Variants in CADM2 observed in about 807,000 individuals in gnomAD.
CADM2 encodes immunoglobulin superfamily member 4D.
In CADM2, 12 loss-of-function variants were observed where a neutral mutation model predicts 49.8. The observed-to-expected ratio is 0.24, with a 90% CI of 0.15 to 0.39. CADM2 has a LOEUF of 0.39. CADM2 is among the 10% of genes least tolerant of loss of function. The probability of loss-of-function intolerance (pLI) is 1.00; values close to 1 mark genes in which losing one functional copy is unlikely to be tolerated. For missense variants in CADM2, 378 were observed against 492.3 expected, an observed-to-expected ratio of 0.77 and a Z score of 2.20; for synonymous variants, 214 against 175.4, an observed-to-expected ratio of 1.22 and a Z score of -1.74.
chr3:85,882,532 C>G (rs1042106691), intron 3 of CADM2, among the ~76,000 whole-genome samples: 2 of 152,052 alleles, frequency 1.3e-5, no homozygotes, highest in Non-Finnish European at 2.9e-5. Flanking sequence ...TTTTAGAGTA[C>G]TCTTTTAGTT....
chr3:85,561,560 A>G (rs910928999), intron 1 of CADM2, among the ~76,000 whole-genome samples: 1 of 152,126 alleles, frequency 6.6e-6, no homozygotes, highest in African/African-American at 2.4e-5. Flanking sequence ...GGGAGTACAT[A>G]TTTTCTAGGT....
chr3:85,526,254 T>C (rs1365365417), intron 1 of CADM2, among the ~76,000 whole-genome samples: 2 of 152,064 alleles, frequency 1.3e-5, no homozygotes, highest in African/African-American at 4.8e-5. Flanking sequence ...TATATTTTGT[T>C]TGTTTAGTAG....
At chr3:85,708,476 T>A (rs1035799678) in intron 1 of CADM2, among the ~76,000 whole-genome samples, 1 of 152,100 alleles carries the variant, frequency 6.6e-6, no homozygotes, top group Non-Finnish European at 1.5e-5. Flanking sequence ...CTACCTTATA[T>A]CCTAATGGGT....
chr3:85,611,150 A>G (rs989187096), intron 1 of CADM2, among the ~76,000 whole-genome samples: 1 of 151,974 alleles, frequency 6.6e-6, no homozygotes, highest in African/African-American at 2.4e-5. Flanking sequence ...CTCATGCACA[A>G]TGCTTTTCAA....
chr3:85,260,642 A>G (rs2042995586), intron 1 of CADM2, among the ~76,000 whole-genome samples: 1 of 152,132 alleles, frequency 6.6e-6, no homozygotes, highest in Non-Finnish European at 1.5e-5. Flanking sequence ...TTTGCAAGAC[A>G]CTGCTATGGG....
chr3:86,013,141 ACAG>A, intron 8 of CADM2: 1 of 1,339,520 alleles, frequency 7.5e-7, no homozygotes, highest in Non-Finnish European at 1.1e-6. Context: ...GTAAGTAGAC[ACAG>A]AAAACGAATA....
intron 1 of CADM2, among the ~76,000 whole-genome samples, chr3:85,377,200 C>A (rs1476261116): frequency 6.6e-6 from 1 of 151,930 alleles, no homozygotes; most frequent in East Asian, 1.9e-4. Context: ...ATATTTATTG[C>A]TTCTTTGTTG....
At chr3:85,794,187 T>C (rs2108043282) in intron 2 of CADM2, among the ~76,000 whole-genome samples, 1 of 152,312 alleles carries the variant, frequency 6.6e-6, no homozygotes, top group Non-Finnish European at 1.5e-5. Context: ...TTTTATGATT[T>C]AAATTTTCCA....
At chr3:86,054,891 A>AT (rs986835304) in intron 8 of CADM2, among the ~76,000 whole-genome samples, 3 of 151,810 alleles carry the variant, frequency 2.0e-5, no homozygotes, top group South Asian at 2.1e-4. Context: ...GAAGTCATTT[A>AT]TTTTTTTTCT....
chr3:85,122,106 CCT>C (rs1406994645), intron 1 of CADM2, among the ~76,000 whole-genome samples: 7 of 151,920 alleles, frequency 4.6e-5, no homozygotes, highest in Non-Finnish European at 1.0e-4. Flanking sequence ...CCTTCAGTCA[CCT>C]CTCTCATCCT....
chr3:85,574,828 G>T (rs558928871), intron 1 of CADM2, among the ~76,000 whole-genome samples: 1 of 152,154 alleles, frequency 6.6e-6, no homozygotes, highest in African/African-American at 2.4e-5. Context: ...AGTCTAGGGG[G>T]TTCTCATAAA....
At chr3:85,306,752 T>TTA (rs1211449477) in intron 1 of CADM2, among the ~76,000 whole-genome samples, 2 of 151,798 alleles carry the variant, frequency 1.3e-5, no homozygotes, top group Non-Finnish European at 3.0e-5. Flanking sequence ...CACAAAGACA[T>TTA]TATATCAACT....
chr3:84,960,471 TCTGTGTCG>T (rs1279476058), intron 1 of CADM2: 3 of 151,968 alleles, frequency 2.0e-5, no homozygotes, highest in Admixed American at 6.5e-5. Context: ...TATTATTCAG[TCTGTGTCG>T]TTTCTTTTTT....
At chr3:85,945,366 C>T (rs1189076440) in intron 7 of CADM2, among the ~76,000 whole-genome samples, 1 of 152,134 alleles carries the variant, frequency 6.6e-6, no homozygotes, top group Non-Finnish European at 1.5e-5. Context: ...GGAGCTGGTA[C>T]TATTCCTTCT....
chr3:86,045,275 G>A (rs1736517501), intron 8 of CADM2, among the ~76,000 whole-genome samples: 1 of 152,076 alleles, frequency 6.6e-6, no homozygotes, highest in Non-Finnish European at 1.5e-5. Flanking sequence ...CATGGGAACT[G>A]TCATTGAGCT....
At chr3:85,093,054 C>A (rs1023559953) in intron 1 of CADM2, among the ~76,000 whole-genome samples, 6 of 152,162 alleles carry the variant, frequency 3.9e-5, no homozygotes, top group Non-Finnish European at 5.9e-5. Context: ...TCTACTTACT[C>A]TATCAGTTTA....
At chr3:85,821,579 A>T (rs534995953) in intron 3 of CADM2, among the ~76,000 whole-genome samples, 3 of 152,216 alleles carry the variant, frequency 2.0e-5, no homozygotes, top group African/African-American at 7.2e-5. Context: ...ATACACAAGA[A>T]GTTAGGGTAT....
intron 1 of CADM2, among the ~76,000 whole-genome samples, chr3:85,625,508 T>C (rs13082188): frequency 0.22 from 33,451 of 151,996 alleles, 3,932 homozygotes; most frequent in South Asian, 0.28. Flanking sequence ...TTGCATTCCA[T>C]CATAGTGTAG....
At chr3:85,688,848 A>G (rs1190107885) in intron 1 of CADM2, among the ~76,000 whole-genome samples, 1 of 152,276 alleles carries the variant, frequency 6.6e-6, no homozygotes, top group South Asian at 2.1e-4. Context: ...GATTACAGGC[A>G]TAAGCCACTG....
Sources: allele counts gnomAD v4.1 joint callset (sites outside exome capture counted in the v4.1 genomes callset), GRCh38; gene constraint gnomAD v4.1.1; transcripts MANE v1.5; gene names NCBI Gene and HGNC (gene_info 2026-07-23, HGNC 2026-07-21).